ZNF208: variants seen among roughly 807,000 people sequenced by gnomAD.
ZNF208 encodes the protein zinc finger protein 208, also known as zinc finger protein 95.
A neutral mutation model predicts 12.1 loss-of-function variants in ZNF208; 10 were observed. That is an observed-to-expected ratio of 0.83 (90% CI 0.51 to 1.40). ZNF208 has a LOEUF of 1.40. Among genes scored for constraint, ZNF208 ranks in the 40% most tolerant of loss-of-function variants. ZNF208 has a pLI of 0.00. For synonymous variants in ZNF208, 497 were observed against 488.4 expected (o/e 1.02, Z -0.23); for missense variants, 1,652 against 1,485.0 (o/e 1.11, Z -1.85).
intron 4 of ZNF208, chr19:21,941,590 T>C: frequency 2.6e-6 from 1 of 390,484 alleles, no homozygotes; most frequent in East Asian, 3.6e-5. Context: ...TTTTTTTGAG[T>C]TCTTATAATT....
chr19:21,967,107 T>C lies in ZNF208; in HGVS notation c.*4084A>G, dbSNP rs1456966753. ...TTTATTTTTATTTTTGTTGCACTCA[T>C]GTTAGATGTTAGTCATAAATTCTTT... is the stretch of plus-strand genomic sequence containing the variant. On this transcript the variant is annotated 3_prime_UTR_variant, in exon 4 of 4. Transcript: ENST00000397126. 3 of 152,150 alleles carry C rather than the reference T, an allele frequency of 2.0e-5. No individual in the cohort carries two copies. Among genetic ancestry groups the C allele is most frequent in the Non-Finnish European group, 1.5e-5 (1 of 68,014 alleles). 9.4% of individuals were successfully genotyped at this position (152,150 alleles called of 1,614,324 possible). A position where few individuals can be genotyped will look rare whatever the true frequency, so the allele number is the denominator to read the frequency against.
chr19:22,005,197 G>A (rs1488258238), intron 1 of ZNF208, among the ~76,000 whole-genome samples: 1 of 152,226 alleles, frequency 6.6e-6, no homozygotes, highest in African/African-American at 2.4e-5. Context: ...TAAAATTCCT[G>A]AGGGTGGTGC....
chr19:21,974,290 C>G lies in ZNF208; in HGVS notation c.744G>C (p.Lys248Asn). ...AGGATTTCTCTCCAGTATGAATTACCTTATGTTTAGTAAGGATTGAGAACT... is the reference window on the plus strand; with the variant it reads ...AGGATTTCTCTCCAGTATGAATTACGTTATGTTTAGTAAGGATTGAGAACT... The part of the protein sequence containing the change: ...FSKFSILTKH[K>N]VIHTGEKSYK... Residue 248 changes from lysine to asparagine, a missense_variant, in exon 4 of 4, where the codon AAG (lysine) becomes AAC (asparagine). Lys to Asn is a moderately conservative substitution (Grantham distance 94). Transcript: ENST00000397126. The G allele has an allele frequency of 6.2e-7, 1 of 1,613,362 alleles. No individual in the cohort carries two copies. Among genetic ancestry groups the G allele is most frequent in the Non-Finnish European group, 8.5e-7 (1 of 1,179,722 alleles).
intron 1 of ZNF208, among the ~76,000 whole-genome samples, chr19:21,992,095 TAAGA>T (rs1445659539): frequency 2.0e-5 from 3 of 152,108 alleles, no homozygotes; most frequent in Admixed American, 6.6e-5. Flanking sequence ...AAAGGAAACC[TAAGA>T]AAGAAGGGCA....
At chr19:21,961,150 G>C (rs142388863), downstream of ZNF208, among the ~76,000 whole-genome samples, 1 of 152,132 alleles carries the variant, frequency 6.6e-6, no homozygotes, top group Non-Finnish European at 1.5e-5. Flanking sequence ...TCTATTTTCT[G>C]TAAGTGTCAG....
chr19:21,953,430 A>G (rs1045211210), intron 4 of ZNF208, among the ~76,000 whole-genome samples: 1 of 152,206 alleles, frequency 6.6e-6, no homozygotes, highest in Non-Finnish European at 1.5e-5. Flanking sequence ...GGTTACCCCC[A>G]AAAGGAAGTC....
intron 3 of ZNF208, among the ~76,000 whole-genome samples, chr19:21,976,276 A>G (rs1439362432): frequency 6.6e-6 from 1 of 152,154 alleles, no homozygotes; most frequent in Non-Finnish European, 1.5e-5. Flanking sequence ...ACCAAAGTTA[A>G]TTTTTCACCT....
chr19:21,959,230 G>T (rs1400683650), intron 4 of ZNF208, among the ~76,000 whole-genome samples: 1 of 152,128 alleles, frequency 6.6e-6, no homozygotes, highest in East Asian at 1.9e-4. Context: ...AATAAGTGAT[G>T]AATACAGCAA....
At position 21,973,903 on chromosome 19, in the gene ZNF208, G is replaced by C. The variant is rs776275715; in HGVS notation, c.1131C>G (p.Ala377=). ...KPYKCEECGK[A]YKWPSTLSYH... ...AACTAAGGGTTGAGGGCCACTTATA[G>C]GCTTTGCCGCATTCTTCACATTTGT... The change falls in exon 4 of 4, where the codon GCC becomes GCG. Residue 377 remains alanine (A), a synonymous_variant. Transcript: ENST00000397126. 11 of 1,609,084 alleles carry C rather than the reference G, an allele frequency of 6.8e-6. No homozygotes were observed. The highest frequency in any genetic ancestry group is 9.3e-6 in the Non-Finnish European group (11 of 1,178,658).
intron 1 of ZNF208, among the ~76,000 whole-genome samples, chr19:22,009,881 T>C (rs892464475): frequency 1.3e-5 from 2 of 152,132 alleles, no homozygotes; most frequent in African/African-American, 4.8e-5. Context: ...TCCATCTTGA[T>C]GTTACAAATT....
intron 2 of ZNF208, among the ~76,000 whole-genome samples, chr19:21,987,989 C>T (rs1970656828): frequency 6.6e-6 from 1 of 151,966 alleles, no homozygotes; most frequent in Non-Finnish European, 1.5e-5. Context: ...CTTTCTGTAC[C>T]CTACAGGTGG....
chr19:22,006,195 C>G (rs569666024), intron 1 of ZNF208, among the ~76,000 whole-genome samples: 4 of 152,284 alleles, frequency 2.6e-5, no homozygotes, highest in African/African-American at 9.6e-5. Flanking sequence ...GTAAAACATT[C>G]TCTGATCTAA....
chr19:21,971,727 G>A lies in ZNF208; in HGVS notation c.3307C>T (p.His1103Tyr). 6.2e-7 allele frequency: 1 copy of A among 1,613,862 alleles called. No homozygotes were observed. The highest frequency in any genetic ancestry group is 1.1e-5 in the South Asian group (1 of 91,056). The change falls in exon 4 of 4, where the codon CAT (histidine) becomes TAT (tyrosine). Residue 1103 changes from histidine to tyrosine, a missense_variant. Around this residue, in one of 3 missense-constraint regions of ZNF208, gnomAD observed 1,239 missense variants for 1,086.2 expected, o/e 1.14. Coordinates refer to ENST00000397126, the MANE Select transcript of ZNF208 (RefSeq NM_007153.3). ...AFNWSSNLME[H>Y]KRIHTGEKPY... is the part of the protein sequence containing the mutation. ...TTCTCTCCAGTATGAATTCTCTTAT[G>A]TTCCATAAGGTTTGAGGACCAGTTG...
rs369687355 is a variant in ZNF208 at position 21,956,563 on chromosome 19, G to A, written c.305+18166C>T. Among the ~76,000 whole-genome samples, 5 of 152,296 alleles carry A rather than the reference G, an allele frequency of 3.3e-5. No individual in the cohort carries two copies. The South Asian group carries it at 1.0e-3, about 32-fold the overall frequency. ...CAGAAGCCCCTCCCCTAGCCTTGCT[G>A]CCACCTTGCAGTTCAATCTCAGACT... On this transcript the variant is annotated intron_variant, in intron 4 of 4. Transcript: ENST00000599916.
In ZNF208 at chr19:21,974,804, A is replaced by G. The variant is rs778151014; in HGVS notation, c.230T>C (p.Ile77Thr). The change falls in exon 4 of 4, where the codon ATA (isoleucine) becomes ACA (threonine). Residue 77 changes from isoleucine (I) to threonine (T), a missense_variant. Around this residue, in one of 3 missense-constraint regions of ZNF208, gnomAD observed 410 missense variants for 378.2 expected, o/e 1.08. Transcript: ENST00000397126. ...AAGATCTTGAGCAAAATGAGAACATATAACTGAAAAGAAATAAAAATCACA... is the reference window on the plus strand; with the variant it reads ...AAGATCTTGAGCAAAATGAGAACATGTAACTGAAAAGAAATAAAAATCACA... ...RHEMVEESPVICSHFAQDLWP... is the reference protein window; with the variant it reads ...RHEMVEESPVTCSHFAQDLWP... 7.8e-6 allele frequency: 12 copies of G among 1,537,394 alleles called. No individual in the cohort carries two copies. The highest frequency in any genetic ancestry group is 6.1e-6 in the Non-Finnish European group (7 of 1,146,904).
chr19:22,007,203 T>C (rs1971059632), intron 1 of ZNF208, among the ~76,000 whole-genome samples: 1 of 152,216 alleles, frequency 6.6e-6, no homozygotes, highest in African/African-American at 2.4e-5. Flanking sequence ...TGGAATTCTA[T>C]TTGAAATCAC....
downstream of ZNF208, among the ~76,000 whole-genome samples, chr19:21,962,066 T>C (rs192529422): frequency 5.3e-5 from 8 of 152,288 alleles, no homozygotes; most frequent in Admixed American, 2.6e-4. Context: ...ATCTTCACAA[T>C]TGATGTTCAG....
Position 21,947,018 on chromosome 19 carries a change from T to C in ZNF208, c.306-13781A>G, listed in dbSNP as rs1353305032. 2.6e-5 allele frequency among the ~76,000 whole-genome samples: 4 copies of C among 152,072 alleles called. No individual in the cohort carries two copies. In the East Asian group the frequency reaches 5.8e-4, roughly 22 times the overall value. On this transcript the variant is annotated intron_variant, in intron 4 of 4. Coordinates refer to the ZNF208 transcript ENST00000599916. ...TATAATTTCTCCTATTCATTCTTTG[T>C]ATGCAATGTTGTGAATGTTTTTACA...
intron 3 of ZNF208, among the ~76,000 whole-genome samples, chr19:21,984,611 G>C (rs59737714): frequency 3.3e-5 from 5 of 151,922 alleles, no homozygotes; most frequent in Non-Finnish European, 7.4e-5. Context: ...CAAAACACTC[G>C]AGCATGCTCT....
Sources: gnomAD v4.1 joint callset for allele counts (sites outside exome capture counted in the v4.1 genomes callset) on GRCh38, gnomAD v4.1.1 for gene constraint, gnomAD v4.1.1 regional missense constraint, MANE v1.5 for transcripts, NCBI Gene and HGNC (gene_info 2026-07-23, HGNC 2026-07-21) for gene names.